Variants in ACAP2 observed in about 807,000 individuals in gnomAD.
ACAP2 encodes ArfGAP with coiled-coil, ankyrin repeat and PH domains 2.
Under a neutral mutation model 115.8 loss-of-function variants are expected in ACAP2, and 39 were observed. The ratio of observed to expected loss-of-function variants is 0.34; its 90% CI spans 0.26 to 0.44. The LOEUF (loss-of-function observed/expected upper bound fraction) is 0.44. ACAP2 is among the 20% of genes least tolerant of loss of function. The probability of loss-of-function intolerance (pLI) is 1.00; values close to 1 mark genes in which losing one functional copy is unlikely to be tolerated. For synonymous variants in ACAP2, 289 were observed against 315.8 expected (o/e 0.92, Z 0.90); for missense variants, 662 against 927.6 (o/e 0.71, Z 3.72).
chr3:195,301,556 A>C lies in ACAP2; in HGVS notation c.1395+19T>G, dbSNP rs747629291. 2 of 1,574,056 alleles carry C rather than the reference A, an allele frequency of 1.3e-6. No homozygotes were observed. The highest frequency in any genetic ancestry group is 4.5e-5 in the East Asian group (2 of 44,716). ...TCATGTGAAAATATGAAATATTTTA[A>C]AGCAAAAATTTTTTTTACCTTTAAA... On this transcript the variant is annotated intron_variant, in intron 15 of 22. Transcript: ENST00000326793.
At chr3:195,421,423 G>A (rs1276997563) in intron 1 of ACAP2, among the ~76,000 whole-genome samples, 1 of 152,132 alleles carries the variant, frequency 6.6e-6, no homozygotes, top group Admixed American at 6.5e-5. Flanking sequence ...TCTTTCTTAG[G>A]ATCAAACTCT....
chr3:195,305,368 C>T (rs2108978933), intron 13 of ACAP2, among the ~76,000 whole-genome samples: 1 of 152,240 alleles, frequency 6.6e-6, no homozygotes, highest in Admixed American at 6.5e-5. Flanking sequence ...AACTAAAAAA[C>T]AAACAATGCT....
At chr3:195,380,701 A>C (rs1236605164) in intron 4 of ACAP2, among the ~76,000 whole-genome samples, 1 of 152,188 alleles carries the variant, frequency 6.6e-6, no homozygotes, top group Non-Finnish European at 1.5e-5. Context: ...CATGCTTAAA[A>C]ATTTTACAAA....
rs112843410 is a variant in ACAP2, at chr3:195,304,993, G to T, written c.1116+1518C>A. Among the ~76,000 whole-genome samples, 89 of 152,312 alleles carry T rather than the reference G, an allele frequency of 5.8e-4. 1 individual carries two copies. Among genetic ancestry groups the T allele is most frequent in the African/African-American group, 2.0e-3 (85 of 41,578 alleles). ...TACTGATGCCCAACTCCATTCAAGTGTTCTGGGGTGGTACCTAAGCAATGG... is the reference window on the plus strand; with the variant it reads ...TACTGATGCCCAACTCCATTCAAGTTTTCTGGGGTGGTACCTAAGCAATGG... On this transcript the variant is annotated intron_variant, in intron 13 of 22. Coordinates refer to ENST00000326793, the MANE Select transcript of ACAP2 (RefSeq NM_012287.6).
intron 4 of ACAP2, among the ~76,000 whole-genome samples, chr3:195,368,228 C>T (rs1732865955): frequency 6.6e-6 from 1 of 152,216 alleles, no homozygotes; most frequent in South Asian, 2.1e-4. Flanking sequence ...CAGCTCACTG[C>T]AACCTTCGCC....
At chr3:195,380,901 A>C (rs963807897) in intron 4 of ACAP2, 108 bp downstream of exon 4, 1 of 988,600 alleles carries the variant, frequency 1.0e-6, no homozygotes, top group Non-Finnish European at 1.5e-6. Flanking sequence ...GTTGACGACC[A>C]ATCAAAGCCA....
intron 1 of ACAP2, among the ~76,000 whole-genome samples, chr3:195,437,110 T>C (rs1446659537): frequency 1.3e-5 from 2 of 152,192 alleles, no homozygotes; most frequent in African/African-American, 4.8e-5. Flanking sequence ...TACAGTGGCA[T>C]CACCATAGCT....
At chr3:195,320,894 C>T (rs1729404701) in intron 9 of ACAP2, 81 bp from the exon 10 acceptor site, 1 of 873,494 alleles carries the variant, frequency 1.1e-6, no homozygotes, top group Admixed American at 2.2e-5. Context: ...GAAAAGAGTT[C>T]AAAAGGAAGA....
At chr3:195,321,213 C>G (rs1219031960) in intron 9 of ACAP2, among the ~76,000 whole-genome samples, 1 of 141,146 alleles carries the variant, frequency 7.1e-6, no homozygotes, top group Non-Finnish European at 1.5e-5. Flanking sequence ...TGTTTTATCA[C>G]AACTTTTTTT....
chr3:195,389,671 G>A (rs1341328306), intron 2 of ACAP2, among the ~76,000 whole-genome samples: 1 of 151,924 alleles, frequency 6.6e-6, no homozygotes, highest in Non-Finnish European at 1.5e-5. Flanking sequence ...TAATGCCTCA[G>A]GGTAAAAAAT....
chr3:195,430,221 A>C (rs1715014161), intron 1 of ACAP2, among the ~76,000 whole-genome samples: 1 of 152,242 alleles, frequency 6.6e-6, no homozygotes, highest in African/African-American at 2.4e-5. Context: ...CAATCTTCTA[A>C]TGTGATAAAG....
chr3:195,391,220 TTC>T (rs1734648632), intron 2 of ACAP2, among the ~76,000 whole-genome samples: 1 of 122,046 alleles, frequency 8.2e-6, no homozygotes, highest in Admixed American at 9.1e-5. Flanking sequence ...CAGAAAAAGC[TTC>T]TCTTTCTTTT....
chr3:195,378,108 G>GC (rs1386071537), intron 4 of ACAP2, among the ~76,000 whole-genome samples: 1 of 151,990 alleles, frequency 6.6e-6, no homozygotes, highest in Non-Finnish European at 1.5e-5. Flanking sequence ...AAGGGAGGAA[G>GC]GAAGGAGAGA....
intron 1 of ACAP2, among the ~76,000 whole-genome samples, chr3:195,405,850 G>T (rs756949918): frequency 6.6e-6 from 1 of 152,100 alleles, no homozygotes. Context: ...ATCTTACATG[G>T]CCAGAGCAGG....
intron 1 of ACAP2, 76 bp downstream of exon 1, chr3:195,442,719 T>C: frequency 1.4e-6 from 2 of 1,457,234 alleles, no homozygotes; most frequent in Non-Finnish European, 1.8e-6. Context: ...CTCCTCCGGG[T>C]GCGCGGGCCC....
intron 20 of ACAP2, among the ~76,000 whole-genome samples, chr3:195,290,494 G>A (rs1041957048): frequency 6.6e-6 from 1 of 152,110 alleles, no homozygotes; most frequent in African/African-American, 2.4e-5. Context: ...TTTGCTGATA[G>A]AAGAAAACAA....
rs570424622 is a variant in ACAP2, at chr3:195,345,245, C to T, written c.344+14G>A. ...CTAGTTAATTTTCTTTCCTCTTCACCGCAATTGACTTACTCTTTAACAAAG... is the reference window on the plus strand; with the variant it reads ...CTAGTTAATTTTCTTTCCTCTTCACTGCAATTGACTTACTCTTTAACAAAG... On this transcript the variant is annotated intron_variant, in intron 5 of 22. Coordinates refer to ENST00000326793, the MANE Select transcript of ACAP2 (RefSeq NM_012287.6). 6.9e-5 allele frequency: 110 copies of T among 1,596,326 alleles called. 1 individual carries two copies. The South Asian group carries it at 9.2e-4, about 13-fold the overall frequency.
At chr3:195,312,896 A>C (rs1262174023) in intron 10 of ACAP2, 2 of 152,198 alleles carry the variant, frequency 1.3e-5, no homozygotes, top group African/African-American at 2.4e-5. Flanking sequence ...TCTCGTGCCA[A>C]AAAGGAAACT....
At chr3:195,319,982 T>C (rs1729343432) in intron 10 of ACAP2, among the ~76,000 whole-genome samples, 2 of 152,138 alleles carry the variant, frequency 1.3e-5, no homozygotes. Context: ...GACTGGGTCA[T>C]GGGAGCGGTT....
Sources: gnomAD v4.1 joint callset for allele counts (sites outside exome capture counted in the v4.1 genomes callset) on GRCh38, gnomAD v4.1.1 for gene constraint, MANE v1.5 for transcripts, NCBI Gene and HGNC (gene_info 2026-07-23, HGNC 2026-07-21) for gene names.